The following DPYSL3 variants were observed in gnomAD, a reference collection of about 807,000 sequenced individuals.
DPYSL3 encodes the protein dihydropyrimidinase like 3.
A neutral mutation model predicts 66.1 loss-of-function variants in DPYSL3; 16 were observed. The ratio of observed to expected loss-of-function variants is 0.24; its 90% CI spans 0.16 to 0.37. DPYSL3 has a LOEUF of 0.37. Among genes scored for constraint, DPYSL3 ranks in the 10% least tolerant of loss-of-function variants. The pLI is 1.00. For missense variants in DPYSL3, 738 were observed against 916.2 expected (o/e 0.81, Z 2.51); for synonymous variants, 338 against 345.1 (o/e 0.98, Z 0.23).
chr5:147,468,648 T>C (rs1421613914), intron 1 of DPYSL3, among the ~76,000 whole-genome samples: 4 of 152,106 alleles, frequency 2.6e-5, no homozygotes, highest in Non-Finnish European at 5.9e-5. Flanking sequence ...GAACCTACTC[T>C]GTAAAGGTAG....
chr5:147,498,674 T>C (rs141113661), intron 1 of DPYSL3, among the ~76,000 whole-genome samples: 14,637 of 152,284 alleles, frequency 0.096, 905 homozygotes, highest in Middle Eastern at 0.2. Context: ...TTGATTTGCA[T>C]TTCTCTAATG....
At chr5:147,461,867 G>T (rs939320596) in intron 1 of DPYSL3, among the ~76,000 whole-genome samples, 4 of 152,062 alleles carry the variant, frequency 2.6e-5, no homozygotes, top group Admixed American at 1.3e-4. Flanking sequence ...CTTCCACGTT[G>T]GTTTCTTAGT....
chr5:147,462,906 TTCCTTTTGGACCCTG>T (rs1184288315), intron 1 of DPYSL3, among the ~76,000 whole-genome samples: 1 of 151,908 alleles, frequency 6.6e-6, no homozygotes. Flanking sequence ...TGAAAAAGAG[TTCCTTTTGGACCCTG>T]GTAAAGACAG....
At chr5:147,444,937 T>C (rs1752603446) in intron 1 of DPYSL3, among the ~76,000 whole-genome samples, 1 of 151,898 alleles carries the variant, frequency 6.6e-6, no homozygotes, top group African/African-American at 2.4e-5. Flanking sequence ...GCTTTACAAA[T>C]GCAGATTGGT....
chr5:147,421,783 G>A (rs558848623), intron 2 of DPYSL3, among the ~76,000 whole-genome samples: 22 of 152,288 alleles, frequency 1.4e-4, no homozygotes, highest in Non-Finnish European at 3.1e-4. Flanking sequence ...TGAATAAACG[G>A]TGTTGGGAAA....
intron 1 of DPYSL3, among the ~76,000 whole-genome samples, chr5:147,495,109 C>A (rs538779555): frequency 6.6e-6 from 1 of 152,170 alleles, no homozygotes; most frequent in African/African-American, 2.4e-5. Context: ...GATTTCCTGG[C>A]GAATTCTACC....
chr5:147,423,911 T>C (rs925498281), intron 2 of DPYSL3, among the ~76,000 whole-genome samples: 55 of 152,198 alleles, frequency 3.6e-4, no homozygotes, highest in African/African-American at 1.3e-3. Context: ...AAAGACAGGG[T>C]TTCACCATGT....
At chr5:147,422,981 TC>T (rs936100348) in intron 2 of DPYSL3, among the ~76,000 whole-genome samples, 1 of 152,018 alleles carries the variant, frequency 6.6e-6, no homozygotes, top group Non-Finnish European at 1.5e-5. Flanking sequence ...TGCACATGTA[TC>T]CCAGAACTTA....
At chr5:147,399,002 C>T in intron 11 of DPYSL3, 80 bp downstream of exon 11, 2 of 1,548,310 alleles carry the variant, frequency 1.3e-6, no homozygotes, top group Non-Finnish European at 8.7e-7. Flanking sequence ...CCCTGGCACA[C>T]CACATAAACA....
rs1252967173 is a variant in DPYSL3 at position 147,412,588 on chromosome 5, A to G, written c.963+20T>C. The G allele has an allele frequency of 1.2e-6, 2 of 1,606,690 alleles. No individual in the cohort carries two copies. Among genetic ancestry groups the G allele is most frequent in the Non-Finnish European group, 1.7e-6 (2 of 1,175,890 alleles). ...GGAATGCAGACCCAAAGCACGCTCC[A>G]GGGAGCTGCACGGTGTTACCTGGGC... On this transcript the variant is annotated intron_variant, in intron 6 of 13. Coordinates refer to ENST00000343218, the MANE Select transcript of DPYSL3 (RefSeq NM_001197294.2).
intron 1 of DPYSL3, among the ~76,000 whole-genome samples, chr5:147,425,859 G>A (rs964608700): frequency 6.6e-6 from 1 of 152,172 alleles, no homozygotes; most frequent in African/African-American, 2.4e-5. Context: ...GCTGGAGTAT[G>A]AGGGATGGAT....
chr5:147,486,493 T>G (rs1231469539), intron 1 of DPYSL3, among the ~76,000 whole-genome samples: 1 of 152,222 alleles, frequency 6.6e-6, no homozygotes, highest in African/African-American at 2.4e-5. Context: ...TATAGTCTAG[T>G]TGGATGAATG....
intron 1 of DPYSL3, among the ~76,000 whole-genome samples, chr5:147,498,603 AT>A (rs1753557072): frequency 6.6e-6 from 1 of 152,034 alleles, no homozygotes; most frequent in East Asian, 1.9e-4. Context: ...AATGTCTATT[AT>A]TTTTTGACTT....
intron 8 of DPYSL3, among the ~76,000 whole-genome samples, chr5:147,402,604 C>T (rs1179279625): frequency 7.4e-6 from 1 of 135,836 alleles, no homozygotes; most frequent in Non-Finnish European, 1.5e-5. Flanking sequence ...GCCTCGGCCT[C>T]CCAAAGTGCT....
intron 2 of DPYSL3, among the ~76,000 whole-genome samples, chr5:147,424,407 G>A (rs1752148742): frequency 6.6e-6 from 1 of 152,184 alleles, no homozygotes. Context: ...ATTTTAGAAT[G>A]TAATTATACA....
intron 1 of DPYSL3, among the ~76,000 whole-genome samples, chr5:147,482,358 G>A (rs995755319): frequency 6.6e-6 from 1 of 152,178 alleles, no homozygotes; most frequent in Non-Finnish European, 1.5e-5. Flanking sequence ...TGGAAGTGGT[G>A]GATCTGAGTG....
chr5:147,430,681 A>G (rs990099852), intron 1 of DPYSL3, among the ~76,000 whole-genome samples: 1 of 152,202 alleles, frequency 6.6e-6, no homozygotes, highest in Non-Finnish European at 1.5e-5. Flanking sequence ...AAAAGACAGA[A>G]TCTTGAGCTA....
intron 1 of DPYSL3, among the ~76,000 whole-genome samples, chr5:147,461,878 C>T (rs1752937413): frequency 6.6e-6 from 1 of 152,136 alleles, no homozygotes; most frequent in African/African-American, 2.4e-5. Flanking sequence ...GTTTCTTAGT[C>T]TCTGGGGTAA....
chr5:147,470,861 T>C (rs1753076044), intron 1 of DPYSL3, among the ~76,000 whole-genome samples: 1 of 152,192 alleles, frequency 6.6e-6, no homozygotes. Flanking sequence ...CTGACATCTA[T>C]GCAGTTTCCC....
Sources: allele counts gnomAD v4.1 joint callset (sites outside exome capture counted in the v4.1 genomes callset), GRCh38; gene constraint gnomAD v4.1.1; transcripts MANE v1.5; gene names NCBI Gene and HGNC (gene_info 2026-07-23, HGNC 2026-07-21).